The following RMST variants were observed in gnomAD, a reference collection of about 807,000 sequenced individuals.
RMST encodes rhabdomyosarcoma 2 associated transcript.
At chr12:97,493,405 A>T (rs1298566335) in intron 7 of RMST, 1 of 152,590 alleles carries the variant, frequency 6.6e-6, no homozygotes, top group Non-Finnish European at 1.5e-5. Context: ...AATTAGTGAT[A>T]CTTTTTTCAA....
At chr12:97,509,958 A>G (rs1029231872) in intron 10 of RMST, among the ~76,000 whole-genome samples, 5 of 152,164 alleles carry the variant, frequency 3.3e-5, no homozygotes, top group African/African-American at 1.2e-4. Flanking sequence ...TACCTGGGGA[A>G]AATAATTTTG....
chr12:97,557,935 G>A (rs879736165), intron 11 of RMST, among the ~76,000 whole-genome samples: 12 of 151,978 alleles, frequency 7.9e-5, no homozygotes, highest in South Asian at 2.1e-4. Context: ...AACTATCTTC[G>A]ACTTATAGGG....
chr12:97,482,700 T>TAAAC (rs1331658943), intron 5 of RMST, among the ~76,000 whole-genome samples: 1 of 61,622 alleles, frequency 1.6e-5, no homozygotes, highest in Admixed American at 1.5e-4. Context: ...ATTTATTTAA[T>TAAAC]AAATAAATTT....
At chr12:97,487,705 A>G (rs553023367) in intron 5 of RMST, among the ~76,000 whole-genome samples, 1 of 152,298 alleles carries the variant, frequency 6.6e-6, no homozygotes, top group South Asian at 2.1e-4. Flanking sequence ...ACTTCCCCAC[A>G]TAGTTACTGC....
In RMST at chr12:97,511,382, C is replaced by T. The variant is rs1276610011; in HGVS notation, n.1340+15326C>T. On this transcript the variant is annotated intron_variant and non_coding_transcript_variant, in intron 10 of 13. Coordinates refer to ENST00000640149, the Ensembl canonical transcript of RMST. ...CAGGTTGGTCTTGAACTCCTGACCA[C>T]AAGTGATCCACCTGCCTCGGCCTCC... Among the ~76,000 whole-genome samples the T allele has an allele frequency of 2.0e-5, 3 of 152,280 alleles. No individual in the cohort carries two copies. The East Asian group carries it at 5.8e-4, about 29-fold the overall frequency.
intron 10 of RMST, among the ~76,000 whole-genome samples, chr12:97,511,948 C>T (rs1373166459): frequency 1.3e-5 from 2 of 152,086 alleles, no homozygotes; most frequent in Non-Finnish European, 2.9e-5. Context: ...GTTATGTGTC[C>T]GGAATTGGTG....
At chr12:97,538,229 A>G (rs1437605648) in intron 11 of RMST, among the ~76,000 whole-genome samples, 2 of 151,434 alleles carry the variant, frequency 1.3e-5, no homozygotes, top group African/African-American at 4.8e-5. Context: ...GTGAATTCTC[A>G]TTGCCTTCAG....
intron 11 of RMST, among the ~76,000 whole-genome samples, chr12:97,544,480 C>T (rs1240006380): frequency 3.3e-5 from 5 of 151,920 alleles, no homozygotes; most frequent in Non-Finnish European, 4.4e-5. Context: ...CATAGGTAAT[C>T]AGAGAGTGGA....
At chr12:97,543,284 G>A (rs939752797) in intron 11 of RMST, among the ~76,000 whole-genome samples, 9 of 151,974 alleles carry the variant, frequency 5.9e-5, no homozygotes, top group Non-Finnish European at 1.2e-4. Flanking sequence ...AAAAACAGTC[G>A]AATGTGGGGA....
intron 10 of RMST, among the ~76,000 whole-genome samples, chr12:97,522,770 C>A (rs2136556302): frequency 6.6e-6 from 1 of 152,124 alleles, no homozygotes; most frequent in Middle Eastern, 3.4e-3. Context: ...GTGTGTGGTA[C>A]TTGGTTGTAT....
intron 10 of RMST, among the ~76,000 whole-genome samples, chr12:97,513,400 T>A (rs977157567): frequency 5.9e-5 from 9 of 152,200 alleles, no homozygotes; most frequent in Non-Finnish European, 1.3e-4. Flanking sequence ...TACGCAAAGA[T>A]CCAGCAGCTT....
rs546612839 is a variant in RMST at position 97,531,845 on chromosome 12, T to C, written n.1545+986T>C. Among the ~76,000 whole-genome samples, 242 of 152,138 alleles carry C rather than the reference T, an allele frequency of 1.6e-3. 2 individuals are homozygous for C. Among genetic ancestry groups the C allele is most frequent in the African/African-American group, 5.7e-3 (235 of 41,558 alleles). On this transcript the variant is annotated intron_variant and non_coding_transcript_variant, in intron 11 of 13. Transcript: ENST00000640149. ...TGTTAATAGCAGTTTTTAAATGTTA[T>C]GAAATTACATTTTGGAAACAAATTT...
At position 97,485,127 on chromosome 12, in the gene RMST, A is replaced by G. The variant is rs184243779; in HGVS notation, n.645-7334A>G. ...CTTAGAATGATTGAAGTCATGCTGCATTTTTGAAATAGAGACCTGTGACTA... is the reference window on the plus strand; with the variant it reads ...CTTAGAATGATTGAAGTCATGCTGCGTTTTTGAAATAGAGACCTGTGACTA... On this transcript the variant is annotated intron_variant and non_coding_transcript_variant, in intron 5 of 13. Coordinates refer to ENST00000640149, the Ensembl canonical transcript of RMST. 4.6e-5 allele frequency among the ~76,000 whole-genome samples: 7 copies of G among 152,326 alleles called. No homozygotes were observed. The East Asian group carries it at 7.7e-4, about 17-fold the overall frequency.
intron 10 of RMST, among the ~76,000 whole-genome samples, chr12:97,505,509 G>A (rs1592697635): frequency 3.3e-5 from 5 of 152,348 alleles, no homozygotes; most frequent in Admixed American, 1.3e-4. Context: ...AATTCTCACT[G>A]TGAATCACAA....
chr12:97,505,489 T>G (rs891937069), intron 10 of RMST, among the ~76,000 whole-genome samples: 3 of 152,258 alleles, frequency 2.0e-5, no homozygotes, highest in Admixed American at 2.0e-4. Flanking sequence ...ATTTGTGTTC[T>G]GCAGTAATGA....
In RMST at chr12:97,535,314, C is replaced by T. The variant is rs1366816493; in HGVS notation, n.1545+4455C>T. 5.9e-5 allele frequency among the ~76,000 whole-genome samples: 9 copies of T among 151,752 alleles called. 1 individual carries two copies. In the Middle Eastern group the frequency reaches 0.01, roughly 172 times the overall value. On this transcript the variant is annotated intron_variant and non_coding_transcript_variant, in intron 11 of 13. Coordinates refer to ENST00000640149, the Ensembl canonical transcript of RMST. Reference sequence around the variant, plus strand: ...TCTGTGGCCTATTTGATACAATTTACGCTATTCGTATTAAAATTATCATAC... The same window carrying T: ...TCTGTGGCCTATTTGATACAATTTATGCTATTCGTATTAAAATTATCATAC...
chr12:97,484,106 C>G (rs1307375485), intron 5 of RMST, among the ~76,000 whole-genome samples: 7 of 152,056 alleles, frequency 4.6e-5, no homozygotes, highest in Admixed American at 4.6e-4. Context: ...TAATCTAGTT[C>G]TACTTTTAAG....
In RMST at chr12:97,533,834, G is replaced by T. The variant is rs570405767; in HGVS notation, n.1545+2975G>T. 3 of 151,828 alleles carry T rather than the reference G, an allele frequency of 2.0e-5. No individual in the cohort carries two copies. In the South Asian group the frequency reaches 6.2e-4, roughly 32 times the overall value. The allele number at this position is 151,828 out of a possible 1,614,324, so 9.4% of individuals were successfully genotyped here. A position where few individuals can be genotyped will look rare whatever the true frequency, so the allele number is the denominator to read the frequency against. On this transcript the variant is annotated intron_variant and non_coding_transcript_variant, in intron 11 of 13. Coordinates refer to ENST00000640149, the Ensembl canonical transcript of RMST. ...ATCTGTCAAGGTAGAAAAGTCCAAGGCATTATAGTGTAAAAATTAAGAAGC... is the reference window on the plus strand; with the variant it reads ...ATCTGTCAAGGTAGAAAAGTCCAAGTCATTATAGTGTAAAAATTAAGAAGC...
At chr12:97,527,133 G>A (rs1454996176) in intron 10 of RMST, among the ~76,000 whole-genome samples, 1 of 152,102 alleles carries the variant, frequency 6.6e-6, no homozygotes, top group Non-Finnish European at 1.5e-5. Flanking sequence ...TACATATGAG[G>A]CTTAATTAAA....
Sources: gnomAD v4.1 joint callset for allele counts (sites outside exome capture counted in the v4.1 genomes callset) on GRCh38, gnomAD v4.1.1 for gene constraint, MANE v1.5 for transcripts, NCBI Gene and HGNC (gene_info 2026-07-23, HGNC 2026-07-21) for gene names.